The following PCDH9 variants were observed in gnomAD, a reference collection of about 807,000 sequenced individuals.
The protein encoded by PCDH9 is protocadherin 9.
PCDH9 carries 24 observed loss-of-function variants against 70.6 expected under a neutral mutation model. The ratio of observed to expected loss-of-function variants is 0.34; its 90% CI spans 0.25 to 0.48. The LOEUF is 0.48. Among genes scored for constraint, PCDH9 ranks in the 20% least tolerant of loss-of-function variants. The pLI is 0.99. For missense variants in PCDH9, 1,281 were observed against 1,503.6 expected (o/e 0.85, Z 2.45); for synonymous variants, 562 against 558.5 (o/e 1.01, Z -0.09).
At chr13:67,191,997 C>T (rs1407429066) in intron 2 of PCDH9, among the ~76,000 whole-genome samples, 1 of 68,914 alleles carries the variant, frequency 1.5e-5, no homozygotes, top group East Asian at 5.3e-4. Flanking sequence ...ACAATGATAC[C>T]TATTTCAGAA....
In PCDH9 at chr13:66,450,554, A is replaced by C. The variant is rs1424706080; in HGVS notation, c.3341-145526T>G. Among the ~76,000 whole-genome samples the C allele has an allele frequency of 4.6e-5, 7 of 152,194 alleles. No individual in the cohort carries two copies. In the East Asian group the frequency reaches 1.3e-3, roughly 29 times the overall value. ...AAACAGTGGAGAGCAGTGGGGAGGA[A>C]AGATTGAACAAGAGTTTGAACATAC... is the stretch of plus-strand genomic sequence containing the variant. On this transcript the variant is annotated intron_variant, in intron 4 of 4. Transcript: ENST00000377865.
At chr13:66,502,273 T>G (rs1336203641) in intron 4 of PCDH9, among the ~76,000 whole-genome samples, 1 of 152,174 alleles carries the variant, frequency 6.6e-6, no homozygotes, top group African/African-American at 2.4e-5. Context: ...AGGTTATTAT[T>G]GTTGTAGTAC....
Position 66,305,435 on chromosome 13 carries a change from G to T in PCDH9, c.3341-407C>A, listed in dbSNP as rs74329995. Among the ~76,000 whole-genome samples the T allele has an allele frequency of 3.2e-3, 483 of 151,966 alleles. 2 individuals are homozygous for T. The highest frequency in any genetic ancestry group is 0.011 in the African/African-American group (463 of 41,492). ...TAAATTATAAAAAGTAGAACAATTT[G>T]TATGTGTAATATTAAAGAATATATA... On this transcript the variant is annotated intron_variant, in intron 4 of 4. Coordinates refer to ENST00000377865, the MANE Select transcript of PCDH9 (RefSeq NM_203487.3).
chr13:67,036,736 G>A (rs1352329267), intron 2 of PCDH9, among the ~76,000 whole-genome samples: 3 of 152,138 alleles, frequency 2.0e-5, no homozygotes, highest in Non-Finnish European at 4.4e-5. Flanking sequence ...TGTGCAGACA[G>A]CAGGGTTTAT....
chr13:66,343,897 A>G (rs2138151615), intron 4 of PCDH9, among the ~76,000 whole-genome samples: 1 of 152,286 alleles, frequency 6.6e-6, no homozygotes, highest in South Asian at 2.1e-4. Context: ...GACCAAAAAT[A>G]AGCTTTGAAA....
intron 3 of PCDH9, among the ~76,000 whole-genome samples, chr13:66,839,247 C>T (rs1466372565): frequency 1.3e-5 from 2 of 152,098 alleles, no homozygotes; most frequent in African/African-American, 2.4e-5. Context: ...CTTTCTTGCA[C>T]TCCAGTTTCT....
At chr13:67,186,667 A>G (rs1192590240) in intron 2 of PCDH9, among the ~76,000 whole-genome samples, 1 of 152,168 alleles carries the variant, frequency 6.6e-6, no homozygotes, top group East Asian at 1.9e-4. Flanking sequence ...TCCACTGGTA[A>G]AAAATCATCT....
At chr13:66,818,913 G>T (rs2080658593) in intron 3 of PCDH9, among the ~76,000 whole-genome samples, 2 of 149,514 alleles carry the variant, frequency 1.3e-5, no homozygotes, top group Non-Finnish European at 1.5e-5. Context: ...CAGCCTGGGT[G>T]AAAGAGCTAG....
chr13:66,919,601 G>A (rs1320299254), intron 2 of PCDH9, among the ~76,000 whole-genome samples: 1 of 151,134 alleles, frequency 6.6e-6, no homozygotes, highest in Non-Finnish European at 1.5e-5. Context: ...TGGCTAATTG[G>A]AGAAACTGAA....
chr13:67,142,760 G>A (rs112282204), intron 2 of PCDH9, among the ~76,000 whole-genome samples: 6,156 of 152,026 alleles, frequency 0.04, 318 homozygotes, highest in African/African-American at 0.11. Context: ...CAGCACTTTG[G>A]GAGGCCGAGG....
chr13:67,120,450 C>G (rs1434546343), intron 2 of PCDH9, among the ~76,000 whole-genome samples: 2 of 152,034 alleles, frequency 1.3e-5, no homozygotes, highest in African/African-American at 2.4e-5. Context: ...CTTTTTCTGC[C>G]ACCAACAACT....
chr13:66,988,775 G>A (rs1377907804), intron 2 of PCDH9, among the ~76,000 whole-genome samples: 2 of 151,938 alleles, frequency 1.3e-5, no homozygotes, highest in Non-Finnish European at 2.9e-5. Flanking sequence ...AGAACTATTA[G>A]ATGACTTGTT....
intron 4 of PCDH9, among the ~76,000 whole-genome samples, chr13:66,599,092 A>G (rs1379700670): frequency 6.6e-6 from 1 of 151,830 alleles, no homozygotes; most frequent in Non-Finnish European, 1.5e-5. Context: ...CTTTATGAAC[A>G]TTTAGAAATA....
intron 3 of PCDH9, among the ~76,000 whole-genome samples, chr13:66,634,046 C>T (rs2077606282): frequency 6.6e-6 from 1 of 152,162 alleles, no homozygotes; most frequent in South Asian, 2.1e-4. Flanking sequence ...ATACACTACA[C>T]TATTTTTCTT....
In PCDH9 at chr13:67,225,792, G is replaced by A; in HGVS notation, c.2649C>T (p.Asn883=). ...GTTTGGACTCTTCGATAGTAACAAA[G>A]TTCAAAAGAGAGCTTTTGGGAGACT... The part of the protein sequence containing the change: ...KRKSPKSSLL[N]FVTIEESKPD... The change falls in exon 2 of 5, where the codon AAC becomes AAT. Residue 883 remains asparagine (N), a synonymous_variant. Coordinates refer to ENST00000377865, the MANE Select transcript of PCDH9 (RefSeq NM_203487.3). 4 of 1,614,106 alleles carry A rather than the reference G, an allele frequency of 2.5e-6. No individual in the cohort carries two copies. Among genetic ancestry groups the A allele is most frequent in the Non-Finnish European group, 3.4e-6 (4 of 1,179,972 alleles).
chr13:66,765,080 G>C (rs7490849), intron 3 of PCDH9, among the ~76,000 whole-genome samples: 2 of 4,902 alleles, frequency 4.1e-4, no homozygotes, highest in Non-Finnish European at 4.5e-3. Context: ...GCCTCTGTCT[G>C]TCTCTCTCTC....
chr13:66,355,128 G>A (rs1237128647), intron 4 of PCDH9, among the ~76,000 whole-genome samples: 2 of 152,020 alleles, frequency 1.3e-5, no homozygotes, highest in Non-Finnish European at 1.5e-5. Context: ...TTACAGAGAT[G>A]CCATGTAGTT....
intron 2 of PCDH9, among the ~76,000 whole-genome samples, chr13:67,126,632 C>T (rs1200013756): frequency 6.6e-6 from 1 of 152,050 alleles, no homozygotes; most frequent in Non-Finnish European, 1.5e-5. Context: ...GGGTGGATCA[C>T]GAAGTCAGGA....
chr13:67,141,914 A>G (rs571972687), intron 2 of PCDH9, among the ~76,000 whole-genome samples: 1 of 152,220 alleles, frequency 6.6e-6, no homozygotes, highest in South Asian at 2.1e-4. Flanking sequence ...CTCTTTACAA[A>G]GTGTCTGTAT....
Sources: gnomAD v4.1 joint callset for allele counts (sites outside exome capture counted in the v4.1 genomes callset) on GRCh38, gnomAD v4.1.1 for gene constraint, MANE v1.5 for transcripts, NCBI Gene and HGNC (gene_info 2026-07-23, HGNC 2026-07-21) for gene names.